Variants in ADGRL2 observed in about 807,000 individuals in gnomAD.
The protein encoded by ADGRL2 is adhesion G protein-coupled receptor L2, also known as calcium-independent alpha-latrotoxin receptor 2.
Under a neutral mutation model 157.4 loss-of-function variants are expected in ADGRL2, and 44 were observed. That is an observed-to-expected ratio of 0.28 (90% CI 0.22 to 0.36). ADGRL2 has a LOEUF of 0.36. ADGRL2 is among the 10% of genes least tolerant of loss of function. ADGRL2 has a pLI of 1.00. For missense variants in ADGRL2, 1,510 were observed against 1,768.9 expected, an observed-to-expected ratio of 0.85 and a Z score of 2.63; for synonymous variants, 585 against 624.7, an observed-to-expected ratio of 0.94 and a Z score of 0.95.
intron 2 of ADGRL2, among the ~76,000 whole-genome samples, chr1:81,548,377 C>T (rs1324370): frequency 0.62 from 94,658 of 151,500 alleles, 29,829 homozygotes; most frequent in East Asian, 0.67. Flanking sequence ...TCAAACTCTT[C>T]AGCCATTTGG....
chr1:81,987,544 T>C (rs1416303904), intron 22 of ADGRL2, among the ~76,000 whole-genome samples: 2 of 151,934 alleles, frequency 1.3e-5, no homozygotes, highest in Non-Finnish European at 2.9e-5. Flanking sequence ...AGAATAAAGT[T>C]AATATTAGTT....
At chr1:81,343,092 C>CTTTTTTTTTTTTTTTTTTTCTT (rs544677891) in intron 1 of ADGRL2, among the ~76,000 whole-genome samples, 1 of 131,150 alleles carries the variant, frequency 7.6e-6, no homozygotes, top group Non-Finnish European at 1.6e-5. Flanking sequence ...TTTTTCTTTT[C>CTTTTTTTTTTTTTTTTTTTCTT]TTTTTTTTTT....
intron 2 of ADGRL2, chr1:81,503,555 C>T: frequency 1.4e-6 from 2 of 1,475,276 alleles, no homozygotes; most frequent in East Asian, 2.3e-5. Flanking sequence ...CTCACGGAGC[C>T]CACGTCGACG....
intron 2 of ADGRL2, among the ~76,000 whole-genome samples, chr1:81,558,698 T>C (rs757679369): frequency 2.6e-5 from 4 of 152,186 alleles, no homozygotes; most frequent in Non-Finnish European, 5.9e-5. Flanking sequence ...AATAAAGTGT[T>C]TATAATAGTA....
intron 3 of ADGRL2, among the ~76,000 whole-genome samples, chr1:81,590,730 G>A (rs2081116321): frequency 6.6e-6 from 1 of 151,826 alleles, no homozygotes; most frequent in Non-Finnish European, 1.5e-5. Context: ...TTTTTTATTA[G>A]TTTATTTCTT....
intron 3 of ADGRL2, among the ~76,000 whole-genome samples, chr1:81,670,521 G>A (rs2148914155): frequency 6.6e-6 from 1 of 151,892 alleles, no homozygotes; most frequent in East Asian, 2.0e-4. Context: ...TAAGGAAACA[G>A]AGCTCCCAGC....
intron 13 of ADGRL2, 24 bp downstream of exon 13, chr1:81,966,633 G>A: frequency 6.3e-7 from 1 of 1,596,760 alleles, no homozygotes; most frequent in Non-Finnish European, 8.6e-7. Flanking sequence ...TGCTAATGAA[G>A]TAATGGAAGG....
intron 2 of ADGRL2, among the ~76,000 whole-genome samples, chr1:81,868,060 G>GTGGTGTGT (rs1553173773): frequency 1.4e-5 from 2 of 145,558 alleles, no homozygotes; most frequent in African/African-American, 5.1e-5. Flanking sequence ...GTGTGTGTGT[G>GTGGTGTGT]GTGTGTGTGT....
chr1:81,746,263 G>T (rs2085242481), intron 1 of ADGRL2, among the ~76,000 whole-genome samples: 1 of 152,010 alleles, frequency 6.6e-6, no homozygotes, highest in Non-Finnish European at 1.5e-5. Flanking sequence ...ATATTATGGA[G>T]GCAATTTTAG....
intron 2 of ADGRL2, chr1:81,557,518 A>AAAGAAAGAAAGAAAGAG (rs1491483616): frequency 6.7e-6 from 1 of 148,782 alleles, no homozygotes; most frequent in African/African-American, 2.6e-5. Flanking sequence ...AGAAAGAAAG[A>AAAGAAAGAAAGAAAGAG]AAGAAAGAGA....
chr1:81,501,975 C>T, intron 2 of ADGRL2: 2 of 1,613,100 alleles, frequency 1.2e-6, no homozygotes, highest in Non-Finnish European at 8.5e-7. Flanking sequence ...GGCAGCACTC[C>T]CTTAGGTCCC....
At chr1:81,464,559 T>C (rs2078012835) in intron 2 of ADGRL2, among the ~76,000 whole-genome samples, 1 of 152,182 alleles carries the variant, frequency 6.6e-6, no homozygotes, top group African/African-American at 2.4e-5. Flanking sequence ...CTTTCTCTGT[T>C]CTTCCTTTGT....
chr1:81,725,306 G>A (rs1264386738), intron 1 of ADGRL2, among the ~76,000 whole-genome samples: 3 of 151,546 alleles, frequency 2.0e-5, no homozygotes, highest in African/African-American at 4.8e-5. Context: ...TTGGGAGGCC[G>A]AAGCGGGCAG....
intron 1 of ADGRL2, among the ~76,000 whole-genome samples, chr1:81,339,946 A>G (rs1661947676): frequency 6.6e-6 from 1 of 152,158 alleles, no homozygotes; most frequent in South Asian, 2.1e-4. Context: ...TGTGAATTGC[A>G]TCATATTACA....
At chr1:81,777,773 A>T (rs11163367) in intron 2 of ADGRL2, among the ~76,000 whole-genome samples, 30,551 of 152,096 alleles carry the variant, frequency 0.2, 3,385 homozygotes, top group African/African-American at 0.29. Flanking sequence ...ACAAAATTTT[A>T]AAATGGATAT....
chr1:81,803,080 T>A (rs1571302438), intron 1 of ADGRL2, among the ~76,000 whole-genome samples: 1 of 151,132 alleles, frequency 6.6e-6, no homozygotes, highest in African/African-American at 2.4e-5. Flanking sequence ...AGTTACGGAG[T>A]GTATGCTGCT....
intron 2 of ADGRL2, among the ~76,000 whole-genome samples, chr1:81,489,312 A>G (rs2078580291): frequency 6.6e-6 from 1 of 152,070 alleles, no homozygotes; most frequent in Admixed American, 6.6e-5. Context: ...GCTGAAAAAT[A>G]CAATAATTTA....
In ADGRL2 at chr1:81,442,580, G is replaced by A. The variant is rs1361248122; in HGVS notation, c.-301-2456G>A. ...CGGTGTGAAGACTAAATAAGTCTAT[G>A]TAGGAAATTTTCCTTTGTTACCTGT... On this transcript the variant is annotated intron_variant, in intron 1 of 24. Transcript: ENST00000370721. Among the ~76,000 whole-genome samples the A allele has an allele frequency of 1.3e-4, 20 of 152,314 alleles. No homozygotes were observed. In the South Asian group the frequency reaches 4.1e-3, roughly 32 times the overall value.
chr1:81,401,406 G>T (rs2076752721), intron 1 of ADGRL2, among the ~76,000 whole-genome samples: 1 of 125,194 alleles, frequency 8.0e-6, no homozygotes, highest in African/African-American at 2.7e-5. Context: ...GTAGGGAGAA[G>T]TTCCTCCTGG....
Sources: gnomAD v4.1 joint callset for allele counts (sites outside exome capture counted in the v4.1 genomes callset) on GRCh38, gnomAD v4.1.1 for gene constraint, MANE v1.5 for transcripts, NCBI Gene and HGNC (gene_info 2026-07-23, HGNC 2026-07-21) for gene names.